Variants in GRIK1 observed in about 807,000 individuals in gnomAD.
GRIK1 encodes the protein glutamate receptor ionotropic, kainate 1.
GRIK1 carries 69 observed loss-of-function variants against 105.7 expected under a neutral mutation model. The ratio of observed to expected loss-of-function variants is 0.65; its 90% CI spans 0.54 to 0.80. GRIK1 has a LOEUF of 0.80. Ranked by LOEUF, GRIK1 falls within the 30% of genes least tolerant of loss-of-function variation. GRIK1 has a pLI of 0.00. For missense variants in GRIK1, 1,109 were observed against 1,167.3 expected, an observed-to-expected ratio of 0.95 and a Z score of 0.73; for synonymous variants, 438 against 431.3, an observed-to-expected ratio of 1.02 and a Z score of -0.19.
At chr21:29,606,711 A>G (rs926939387) in intron 7 of GRIK1, among the ~76,000 whole-genome samples, 1 of 152,140 alleles carries the variant, frequency 6.6e-6, no homozygotes, top group Non-Finnish European at 1.5e-5. Flanking sequence ...AAACAAAAAA[A>G]CCCAAAACAC....
At chr21:29,546,424 G>A (rs1478964017) in intron 16 of GRIK1, among the ~76,000 whole-genome samples, 1 of 152,224 alleles carries the variant, frequency 6.6e-6, no homozygotes, top group Non-Finnish European at 1.5e-5. Flanking sequence ...ACCCTGTGAA[G>A]TAAAAATGGC....
At chr21:29,930,182 G>A (rs372856894) in intron 1 of GRIK1, among the ~76,000 whole-genome samples, 4 of 152,132 alleles carry the variant, frequency 2.6e-5, no homozygotes, top group African/African-American at 4.8e-5. Flanking sequence ...AAGGAACAGC[G>A]CTACCCAGAA....
intron 1 of GRIK1, among the ~76,000 whole-genome samples, chr21:29,736,682 CTT>C (rs748838440): frequency 7.1e-5 from 10 of 141,708 alleles, no homozygotes; most frequent in African/African-American, 7.7e-5. Context: ...CTTTCCTTTT[CTT>C]TTTTTTTTTT....
chr21:29,836,276 T>G (rs1163513007), intron 1 of GRIK1, among the ~76,000 whole-genome samples: 2 of 152,210 alleles, frequency 1.3e-5, no homozygotes, highest in African/African-American at 4.8e-5. Context: ...AATAACATTC[T>G]CTTGGGGCCA....
At chr21:29,893,990 G>C (rs538740939) in intron 1 of GRIK1, among the ~76,000 whole-genome samples, 2 of 152,100 alleles carry the variant, frequency 1.3e-5, no homozygotes, top group African/African-American at 4.8e-5. Flanking sequence ...AAAACAGAGG[G>C]CAGGTGCTAG....
intron 1 of GRIK1, among the ~76,000 whole-genome samples, chr21:29,910,185 T>A (rs918692231): frequency 2.6e-5 from 4 of 152,136 alleles, no homozygotes; most frequent in Non-Finnish European, 5.9e-5. Context: ...CCACAAAAAA[T>A]TTTTAAAATA....
At chr21:29,571,557 AT>A (rs2090750880) in intron 14 of GRIK1, among the ~76,000 whole-genome samples, 1 of 152,148 alleles carries the variant, frequency 6.6e-6, no homozygotes, top group Non-Finnish European at 1.5e-5. Context: ...AAGTCAACGG[AT>A]TTTGAATGAA....
intron 1 of GRIK1, among the ~76,000 whole-genome samples, chr21:29,758,431 C>T (rs192663083): frequency 4.6e-5 from 7 of 152,258 alleles, no homozygotes; most frequent in Admixed American, 3.3e-4. Context: ...CTTTATAAAA[C>T]CATCAGCTCT....
intron 3 of GRIK1, 59 bp downstream of exon 3, chr21:29,689,669 T>G (rs77824715): frequency 5.3e-6 from 8 of 1,518,588 alleles, no homozygotes; most frequent in Non-Finnish European, 7.3e-6. Flanking sequence ...TATTTGATAC[T>G]TTCGTTCTGT....
intron 1 of GRIK1, among the ~76,000 whole-genome samples, chr21:29,820,776 A>G (rs2067278923): frequency 6.6e-6 from 1 of 152,052 alleles, no homozygotes; most frequent in Non-Finnish European, 1.5e-5. Context: ...GATTTAAGTG[A>G]CATACATACG....
intron 16 of GRIK1, 34 bp downstream of exon 16, chr21:29,555,018 A>G (rs1262008700): frequency 1.9e-6 from 3 of 1,563,394 alleles, no homozygotes; most frequent in Non-Finnish European, 1.8e-6. Context: ...AATGCAAACT[A>G]TAAACTAACC....
At chr21:29,700,863 G>A (rs900600983) in intron 1 of GRIK1, among the ~76,000 whole-genome samples, 5 of 152,042 alleles carry the variant, frequency 3.3e-5, no homozygotes, top group Admixed American at 1.3e-4. Context: ...TTTCATTGTG[G>A]CAGAGAATCC....
At position 29,882,939 on chromosome 21, in the gene GRIK1, T is replaced by G. The variant is rs142900803; in HGVS notation, c.118+56444A>C. On this transcript the variant is annotated intron_variant, in intron 1 of 17. Transcript: ENST00000327783. Reference sequence around the variant, plus strand: ...TGCAACTTGCTTTACTTTCTTGATGTCTAATTACTTTTTCTTTCCAACCAG... The same window carrying G: ...TGCAACTTGCTTTACTTTCTTGATGGCTAATTACTTTTTCTTTCCAACCAG... Among the ~76,000 whole-genome samples, 657 of 152,210 alleles carry G rather than the reference T, an allele frequency of 4.3e-3. 7 individuals carry two copies. Among genetic ancestry groups the G allele is most frequent in the African/African-American group, 0.015 (628 of 41,554 alleles).
intron 1 of GRIK1, among the ~76,000 whole-genome samples, chr21:29,904,785 C>T (rs896182137): frequency 6.6e-6 from 1 of 152,136 alleles, no homozygotes; most frequent in Admixed American, 6.5e-5. Flanking sequence ...AGAACACTGT[C>T]ATGTACCCAG....
chr21:29,910,011 T>C (rs1045941297), intron 1 of GRIK1, among the ~76,000 whole-genome samples: 8 of 152,244 alleles, frequency 5.3e-5, no homozygotes, highest in African/African-American at 1.7e-4. Context: ...TGACCTTGAA[T>C]AGACCTTTTC....
intron 15 of GRIK1, among the ~76,000 whole-genome samples, chr21:29,560,370 TTCCTTCCTTCCTTC>T (rs2090398594): frequency 5.4e-5 from 2 of 37,060 alleles, no homozygotes; most frequent in Admixed American, 3.0e-4. Flanking sequence ...TCTTTCTTCC[TTCCTTCCTTCCTTC>T]CTTCCTTCCT....
In GRIK1 at chr21:29,754,515, C is replaced by T. The variant is rs977697914; in HGVS notation, c.119-60452G>A. On this transcript the variant is annotated intron_variant, in intron 1 of 17. Transcript: ENST00000327783. ...CATGAAAGCATAATTTCCTCACTTACGAAATGAGGAGTAATCCTCGCCCTG... is the reference window on the plus strand; with the variant it reads ...CATGAAAGCATAATTTCCTCACTTATGAAATGAGGAGTAATCCTCGCCCTG... Among the ~76,000 whole-genome samples the T allele has an allele frequency of 7.2e-5, 11 of 152,264 alleles. No individual in the cohort carries two copies. In the East Asian group the frequency reaches 7.7e-4, roughly 11 times the overall value.
chr21:29,561,285 A>G (rs1397509180), intron 15 of GRIK1, among the ~76,000 whole-genome samples: 1 of 152,218 alleles, frequency 6.6e-6, no homozygotes, highest in East Asian at 1.9e-4. Flanking sequence ...GATACATTAT[A>G]TAGGCATATA....
In GRIK1 at chr21:29,555,082, G is replaced by T. The variant is rs760499759; in HGVS notation, c.2577C>A (p.Tyr859Ter). 6.2e-7 allele frequency: 1 copy of T among 1,610,220 alleles called. No homozygotes were observed. The highest frequency in any genetic ancestry group is 1.7e-5 in the Admixed American group (1 of 59,984). ...CAATATCATTATTCTTCCGTGATTTGTATATGAATTCTCCAATAGCTACAA... is the reference window on the plus strand; with the variant it reads ...CAATATCATTATTCTTCCGTGATTTTTATATGAATTCTCCAATAGCTACAA... ...SVFVAIGEFI[Y>*]KSRKNNDIEQ... is the part of the protein sequence containing the mutation. The change falls in exon 16 of 18, where the codon TAC becomes TAA. Residue 859 changes from tyrosine (Y) to a stop codon, truncating the protein, a stop_gained. Coordinates refer to ENST00000327783, the MANE Select transcript of GRIK1 (RefSeq NM_001330994.2). LOFTEE classifies it high-confidence loss of function.
Sources: allele counts gnomAD v4.1 joint callset (sites outside exome capture counted in the v4.1 genomes callset), GRCh38; gene constraint gnomAD v4.1.1; transcripts MANE v1.5; gene names NCBI Gene and HGNC (gene_info 2026-07-23, HGNC 2026-07-21).